The following CDH18 variants were observed in gnomAD, a reference collection of about 807,000 sequenced individuals.
CDH18 encodes the protein cadherin-18.
Under a neutral mutation model 67.9 loss-of-function variants are expected in CDH18, and 31 were observed. That is an observed-to-expected ratio of 0.46 (90% confidence interval 0.34 to 0.62). The LOEUF is 0.62. CDH18 is among the 20% of genes least tolerant of loss of function. CDH18 has a pLI of 0.01. For missense variants in CDH18, 890 were observed against 975.5 expected (o/e 0.91, Z 1.17); for synonymous variants, 362 against 347.2 (o/e 1.04, Z -0.48).
intron 2 of CDH18, among the ~76,000 whole-genome samples, chr5:20,192,387 G>A (rs751047676): frequency 2.3e-4 from 35 of 152,112 alleles, no homozygotes; most frequent in Admixed American, 7.9e-4. Flanking sequence ...GGCTTTTGTT[G>A]CAATTGCTTT....
At chr5:20,138,935 G>A (rs971339644) in intron 2 of CDH18, among the ~76,000 whole-genome samples, 1 of 152,072 alleles carries the variant, frequency 6.6e-6, no homozygotes, top group Non-Finnish European at 1.5e-5. Context: ...AGCTACCAAT[G>A]ACTCTCTTCA....
At chr5:19,713,384 G>A (rs1764961520) in intron 5 of CDH18, among the ~76,000 whole-genome samples, 1 of 151,984 alleles carries the variant, frequency 6.6e-6, no homozygotes, top group African/African-American at 2.4e-5. Context: ...TCCTTACTCT[G>A]TTTGCTTAAC....
chr5:19,735,642 G>A (rs573854444), intron 4 of CDH18, among the ~76,000 whole-genome samples: 3 of 151,422 alleles, frequency 2.0e-5, no homozygotes, highest in East Asian at 1.9e-4. Context: ...TGATCCTCCC[G>A]CCTCGGCCTC....
chr5:19,477,762 T>C (rs1738732979), intron 12 of CDH18, among the ~76,000 whole-genome samples: 2 of 152,012 alleles, frequency 1.3e-5, no homozygotes. Flanking sequence ...CTTCTTACAG[T>C]GAGTCATCTG....
intron 1 of CDH18, among the ~76,000 whole-genome samples, chr5:20,279,556 G>A (rs1746064141): frequency 6.6e-6 from 1 of 151,506 alleles, no homozygotes; most frequent in Non-Finnish European, 1.5e-5. Context: ...AAAATTAGCT[G>A]GGCATGGTGG....
intron 9 of CDH18, among the ~76,000 whole-genome samples, chr5:19,540,781 CCTGGGCCCAGCCCACA>C (rs1750138991): frequency 6.6e-6 from 1 of 152,076 alleles, no homozygotes; most frequent in South Asian, 2.1e-4. Context: ...AGCAGGGGGC[CCTGGGCCCAGCCCACA>C]CAACAATTTT....
At chr5:20,444,008 G>C (rs369932503) in intron 1 of CDH18, among the ~76,000 whole-genome samples, 1 of 151,840 alleles carries the variant, frequency 6.6e-6, no homozygotes, top group Non-Finnish European at 1.5e-5. Context: ...AATCTCTGTA[G>C]GCATCAATTT....
At chr5:19,670,486 T>C (rs531646233) in intron 5 of CDH18, among the ~76,000 whole-genome samples, 1 of 152,286 alleles carries the variant, frequency 6.6e-6, no homozygotes, top group East Asian at 1.9e-4. Context: ...TCCTGTGCCA[T>C]GCAGGACAAA....
In CDH18 at chr5:20,060,603, A is replaced by G. The variant is rs574448099; in HGVS notation, c.-517-68589T>C. 4.6e-5 allele frequency among the ~76,000 whole-genome samples: 7 copies of G among 152,346 alleles called. No individual in the cohort carries two copies. In the East Asian group the frequency reaches 1.4e-3, roughly 29 times the overall value. The stretch of plus-strand genomic sequence containing the variant: ...AAATTGAAAAATATTATGAATATGC[A>G]TGATAAAAATGTGAGCCCCGTGTAG... On this transcript the variant is annotated intron_variant, in intron 2 of 14. Transcript: ENST00000507958.
intron 1 of CDH18, among the ~76,000 whole-genome samples, chr5:20,260,703 T>C (rs1744585618): frequency 6.6e-6 from 1 of 152,178 alleles, no homozygotes; most frequent in Middle Eastern, 3.2e-3. Flanking sequence ...TGGTACATTA[T>C]GTTATGTTAC....
At chr5:20,342,070 C>A (rs1164936374) in intron 1 of CDH18, among the ~76,000 whole-genome samples, 1 of 152,090 alleles carries the variant, frequency 6.6e-6, no homozygotes, top group Admixed American at 6.6e-5. Context: ...GTTTTGTCTC[C>A]TGGAGAGAAA....
intron 2 of CDH18, among the ~76,000 whole-genome samples, chr5:19,853,775 A>G (rs549083402): frequency 1.3e-5 from 2 of 152,220 alleles, no homozygotes; most frequent in African/African-American, 4.8e-5. Flanking sequence ...TTGCACCCAC[A>G]ATAACACAAA....
chr5:19,812,954 GCAGC>G (rs1312527126), intron 3 of CDH18, among the ~76,000 whole-genome samples: 3 of 152,112 alleles, frequency 2.0e-5, no homozygotes, highest in African/African-American at 7.2e-5. Flanking sequence ...GGAATAATAT[GCAGC>G]CATGAAAAAG....
chr5:20,356,967 G>A (rs1376952213), intron 1 of CDH18, among the ~76,000 whole-genome samples: 4 of 150,590 alleles, frequency 2.7e-5, no homozygotes, highest in Non-Finnish European at 4.4e-5. Flanking sequence ...ATAACTGTAA[G>A]TCAGTATATA....
At chr5:20,351,747 C>T (rs367797715) in intron 1 of CDH18, among the ~76,000 whole-genome samples, 1 of 152,052 alleles carries the variant, frequency 6.6e-6, no homozygotes, top group East Asian at 1.9e-4. Flanking sequence ...ATGCTGCCAC[C>T]GGTTGGCTAT....
At chr5:20,047,544 C>G (rs1003455286) in intron 2 of CDH18, among the ~76,000 whole-genome samples, 1 of 151,696 alleles carries the variant, frequency 6.6e-6, no homozygotes, top group Non-Finnish European at 1.5e-5. Flanking sequence ...TTCTTATTAA[C>G]CCAAATGCAT....
At chr5:19,879,276 A>G (rs1787362695) in intron 2 of CDH18, among the ~76,000 whole-genome samples, 1 of 151,996 alleles carries the variant, frequency 6.6e-6, no homozygotes, top group African/African-American at 2.4e-5. Flanking sequence ...CTTAAGGTAA[A>G]TAACAAGACT....
At chr5:19,538,280 C>A (rs1208193418) in intron 9 of CDH18, among the ~76,000 whole-genome samples, 2 of 152,078 alleles carry the variant, frequency 1.3e-5, no homozygotes, top group Non-Finnish European at 2.9e-5. Flanking sequence ...GGACTTCTGA[C>A]CTACAGAAAT....
intron 2 of CDH18, among the ~76,000 whole-genome samples, chr5:20,067,525 G>T (rs1388617367): frequency 6.6e-6 from 1 of 151,864 alleles, no homozygotes; most frequent in Non-Finnish European, 1.5e-5. Flanking sequence ...GGCCTTTATT[G>T]TATGACTCAC....
Sources: gnomAD v4.1 joint callset for allele counts (sites outside exome capture counted in the v4.1 genomes callset) on GRCh38, gnomAD v4.1.1 for gene constraint, MANE v1.5 for transcripts, NCBI Gene and HGNC (gene_info 2026-07-23, HGNC 2026-07-21) for gene names.